The following NALF1 variants were observed in gnomAD, a reference collection of about 807,000 sequenced individuals.
NALF1 encodes the protein family with sequence similarity 155 member A.
NALF1 carries 3 observed loss-of-function variants against 48.4 expected under a neutral mutation model. The observed-to-expected ratio is 0.06, with a 90% CI of 0.03 to 0.16. The LOEUF (loss-of-function observed/expected upper bound fraction) is 0.16. Ranked by LOEUF, NALF1 falls within the 10% of genes least tolerant of loss-of-function variation. The pLI is 1.00. For missense variants in NALF1, 526 were observed against 571.5 expected, an observed-to-expected ratio of 0.92 and a Z score of 0.81; for synonymous variants, 262 against 245.7, an observed-to-expected ratio of 1.07 and a Z score of -0.62.
At chr13:107,842,928 A>G (rs1326613357) in intron 1 of NALF1, among the ~76,000 whole-genome samples, 2 of 152,122 alleles carry the variant, frequency 1.3e-5, no homozygotes, top group Admixed American at 6.6e-5. Context: ...CCCTTCCCCA[A>G]GAAACTGATG....
At chr13:107,550,340 C>T (rs1280993099) in intron 1 of NALF1, among the ~76,000 whole-genome samples, 1 of 152,108 alleles carries the variant, frequency 6.6e-6, no homozygotes, top group Non-Finnish European at 1.5e-5. Context: ...CCGATTGTTT[C>T]ACTCATTATG....
chr13:107,419,534 T>C (rs1450172763), intron 1 of NALF1, among the ~76,000 whole-genome samples: 1 of 152,158 alleles, frequency 6.6e-6, no homozygotes, highest in Non-Finnish European at 1.5e-5. Flanking sequence ...AAAGTCTAGA[T>C]CAGAAAGCCA....
chr13:107,317,009 A>G (rs1222279036), intron 1 of NALF1, among the ~76,000 whole-genome samples: 1 of 152,270 alleles, frequency 6.6e-6, no homozygotes, highest in South Asian at 2.1e-4. Context: ...TAAATGAAAG[A>G]TCTTTTCTAG....
intron 1 of NALF1, among the ~76,000 whole-genome samples, chr13:107,774,008 C>T (rs1877655592): frequency 6.6e-6 from 1 of 151,600 alleles, no homozygotes; most frequent in Non-Finnish European, 1.5e-5. Context: ...GTATTTTAAA[C>T]TATTAGTTAA....
At chr13:107,412,563 A>C (rs1225790977) in intron 1 of NALF1, among the ~76,000 whole-genome samples, 1 of 152,216 alleles carries the variant, frequency 6.6e-6, no homozygotes, top group African/African-American at 2.4e-5. Context: ...GAAGAATGAT[A>C]GTAGTAAATT....
chr13:107,757,520 AAC>A (rs1877142345), intron 1 of NALF1, among the ~76,000 whole-genome samples: 2 of 151,720 alleles, frequency 1.3e-5, no homozygotes, highest in African/African-American at 4.8e-5. Context: ...TGAAAAAGTA[AAC>A]AGTTTGATAG....
intron 1 of NALF1, among the ~76,000 whole-genome samples, chr13:107,386,511 AAG>A (rs1362247648): frequency 6.6e-6 from 1 of 152,172 alleles, no homozygotes; most frequent in Non-Finnish European, 1.5e-5. Context: ...CTGTTCTGGG[AAG>A]AGTCTTCGAA....
intron 1 of NALF1, among the ~76,000 whole-genome samples, chr13:107,783,785 T>G (rs1458784922): frequency 1.1e-4 from 16 of 151,564 alleles, no homozygotes; most frequent in Non-Finnish European, 1.6e-4. Context: ...CTTGTTTATC[T>G]GCTGACCTTC....
intron 1 of NALF1, among the ~76,000 whole-genome samples, chr13:107,340,479 T>G (rs368013500): frequency 0.024 from 1,266 of 53,038 alleles, 20 homozygotes; most frequent in African/African-American, 0.041. Flanking sequence ...CTCTCTTTCT[T>G]TCTTTCTTTT....
chr13:107,363,078 T>C (rs774383780), intron 1 of NALF1, among the ~76,000 whole-genome samples: 8 of 152,308 alleles, frequency 5.3e-5, no homozygotes, highest in Non-Finnish European at 8.8e-5. Flanking sequence ...AGTCCTTCAA[T>C]ACTGTGCATG....
intron 1 of NALF1, among the ~76,000 whole-genome samples, chr13:107,292,992 C>CTTTTTCTTTTTCTTTT (rs745529749): frequency 2.7e-5 from 3 of 110,678 alleles, no homozygotes; most frequent in Non-Finnish European, 5.4e-5. Flanking sequence ...TTTTCTTTTT[C>CTTTTTCTTTTTCTTTT]TTTTTTTTTT....
chr13:107,748,292 C>T (rs929081043), intron 1 of NALF1, among the ~76,000 whole-genome samples: 2 of 152,124 alleles, frequency 1.3e-5, no homozygotes, highest in Non-Finnish European at 2.9e-5. Context: ...TTGCAGTTTA[C>T]AGCTTATAAG....
intron 1 of NALF1, among the ~76,000 whole-genome samples, chr13:107,838,146 C>T (rs1879950517): frequency 1.3e-5 from 2 of 152,066 alleles, no homozygotes; most frequent in Non-Finnish European, 2.9e-5. Flanking sequence ...TCCACATCTA[C>T]TAAGAAGTTT....
In NALF1 at chr13:107,738,509, T is replaced by C. The variant is rs146889856; in HGVS notation, c.915+127173A>G. On this transcript the variant is annotated intron_variant, in intron 1 of 2. Transcript: ENST00000375915. Reference sequence around the variant, plus strand: ...CTTCTAACAGTCAATTTGGATCAAATAATTAATACCCTGAGAATAAACAAA... The same window carrying C: ...CTTCTAACAGTCAATTTGGATCAAACAATTAATACCCTGAGAATAAACAAA... Among the ~76,000 whole-genome samples the C allele has an allele frequency of 5.3e-3, 801 of 152,302 alleles. 8 individuals carry two copies. The highest frequency in any genetic ancestry group is 0.018 in the African/African-American group (729 of 41,572).
At chr13:107,396,028 T>A (rs528124916) in intron 1 of NALF1, among the ~76,000 whole-genome samples, 1 of 152,162 alleles carries the variant, frequency 6.6e-6, no homozygotes, top group Non-Finnish European at 1.5e-5. Flanking sequence ...CAACCAATAT[T>A]TATTTTCTCA....
chr13:107,232,760 G>C (rs1473820616), intron 1 of NALF1, among the ~76,000 whole-genome samples: 2 of 152,138 alleles, frequency 1.3e-5, no homozygotes, highest in Non-Finnish European at 2.9e-5. Flanking sequence ...ACAGTTCCTG[G>C]ACAATTAATA....
chr13:107,373,037 C>G (rs1213639575), intron 1 of NALF1, among the ~76,000 whole-genome samples: 1 of 152,128 alleles, frequency 6.6e-6, no homozygotes, highest in East Asian at 1.9e-4. Flanking sequence ...ATAATACAGG[C>G]TCTGATCCCT....
chr13:107,217,297 C>G (rs1361784566), intron 1 of NALF1, among the ~76,000 whole-genome samples: 2 of 152,138 alleles, frequency 1.3e-5, no homozygotes, highest in East Asian at 3.9e-4. Flanking sequence ...GGAAATGCCA[C>G]TGGGACTTGT....
chr13:107,462,331 G>T (rs538756122), intron 1 of NALF1, among the ~76,000 whole-genome samples: 1 of 152,204 alleles, frequency 6.6e-6, no homozygotes, highest in Non-Finnish European at 1.5e-5. Context: ...ACTTGTGTCT[G>T]AATTAATGAA....
Sources: allele counts gnomAD v4.1 joint callset (sites outside exome capture counted in the v4.1 genomes callset), GRCh38; gene constraint gnomAD v4.1.1; transcripts MANE v1.5; gene names NCBI Gene and HGNC (gene_info 2026-07-23, HGNC 2026-07-21).